The following CEP350 variants were observed in gnomAD, a reference collection of about 807,000 sequenced individuals.
The protein encoded by CEP350 is centrosome-associated protein 350.
Under a neutral mutation model 331.8 loss-of-function variants are expected in CEP350, and 126 were observed. That is an observed-to-expected ratio of 0.38 (90% confidence interval 0.33 to 0.44). The LOEUF (loss-of-function observed/expected upper bound fraction) is 0.44, where lower values mean the gene tolerates loss of function less well. Among genes scored for constraint, CEP350 ranks in the 20% least tolerant of loss-of-function variants. The probability of loss-of-function intolerance (pLI) is 1.00; values close to 1 mark genes in which losing one functional copy is unlikely to be tolerated. For missense variants in CEP350, 3,406 were observed against 3,634.6 expected, an observed-to-expected ratio of 0.94 and a Z score of 1.62; for synonymous variants, 1,200 against 1,259.5, an observed-to-expected ratio of 0.95 and a Z score of 1.00.
chr1:180,095,732 A>G lies in CEP350; in HGVS notation c.8721A>G (p.Gln2907=), dbSNP rs776919971. 9 of 1,613,912 alleles carry G rather than the reference A, an allele frequency of 5.6e-6. No individual in the cohort carries two copies. Among genetic ancestry groups the G allele is most frequent in the Non-Finnish European group, 8.5e-7 (1 of 1,179,892 alleles). ...TGGCAGAACCTAAAAGAGTAACCCAACAACCATGTGAAACATTATTGGCAG... is the reference window on the plus strand; with the variant it reads ...TGGCAGAACCTAAAAGAGTAACCCAGCAACCATGTGAAACATTATTGGCAG... ...PLMAEPKRVT[Q]QPCETLLAVP... The change falls in exon 35 of 38, where the codon CAA becomes CAG. Residue 2907 remains glutamine (Q), a synonymous_variant. Coordinates refer to ENST00000367607, the MANE Select transcript of CEP350 (RefSeq NM_014810.5).
rs1277114965 is a variant in CEP350 at position 180,075,189 on chromosome 1, A to T, written c.5735A>T (p.Lys1912Ile). ...TTAATAAAACCCAAAACTCCTAAGA[A>T]AGAACTGGAGGACCAGAGAACAGAA... is the stretch of plus-strand genomic sequence containing the variant. ...KELIKPKTPK[K>I]ELEDQRTEQK... The change falls in exon 28 of 38, where the codon AAA (lysine) becomes ATA (isoleucine). Residue 1912 changes from lysine to isoleucine, a missense_variant. By Grantham distance (102) the Lys-to-Ile change is moderately radical (BLOSUM62 -3). Transcript: ENST00000367607. 1.9e-6 allele frequency: 3 copies of T among 1,613,054 alleles called. No individual in the cohort carries two copies. The East Asian group carries it at 6.7e-5, about 36-fold the overall frequency.
At chr1:180,073,969 T>G (rs1571959015) in intron 27 of CEP350, 1 of 1,272,746 alleles carries the variant, frequency 7.9e-7, no homozygotes, top group African/African-American at 1.5e-5. Flanking sequence ...TTTTTGTTTG[T>G]TTTGTTTGCT....
At chr1:180,073,663 G>C (rs1356302395) in intron 27 of CEP350, 2 of 392,700 alleles carry the variant, frequency 5.1e-6, no homozygotes, top group Non-Finnish European at 6.9e-6. Context: ...CTTTAACTGA[G>C]TCACTTATAA....
intron 19 of CEP350, among the ~76,000 whole-genome samples, chr1:180,042,134 A>T (rs12127057): frequency 0.11 from 9,432 of 85,152 alleles, 381 homozygotes; most frequent in African/African-American, 0.23. Context: ...GTTTTCTCTC[A>T]CACACACACA....
Position 180,075,214 on chromosome 1 carries a change from A to G in CEP350, c.5760A>G (p.Glu1920=), listed in dbSNP as rs1453675885. The G allele has an allele frequency of 6.2e-7, 1 of 1,608,664 alleles. No homozygotes were observed. The highest frequency in any genetic ancestry group is 8.5e-7 in the Non-Finnish European group (1 of 1,177,460). Reference sequence around the variant, plus strand: ...AAGAACTGGAGGACCAGAGAACAGAACAGAAAGGTAATAAATACTAACTCT... The same window carrying G: ...AAGAACTGGAGGACCAGAGAACAGAGCAGAAAGGTAATAAATACTAACTCT... ...PKKELEDQRT[E]QKEIASEEES... is the part of the protein sequence containing the mutation. Residue 1920 remains glutamate, a synonymous_variant, in exon 28 of 38, where the codon GAA becomes GAG. Transcript: ENST00000367607.
intron 22 of CEP350, chr1:180,052,090 C>T (rs573807722): frequency 5.3e-5 from 19 of 360,570 alleles, no homozygotes; most frequent in Non-Finnish European, 1.0e-4. Context: ...TATGTGCACA[C>T]ACGTATACAT....
chr1:179,974,633 T>C (rs1651714473), intron 1 of CEP350, among the ~76,000 whole-genome samples: 1 of 152,188 alleles, frequency 6.6e-6, no homozygotes, highest in Non-Finnish European at 1.5e-5. Context: ...TGAATGTTCA[T>C]TGAATGAATG....
intron 32 of CEP350, among the ~76,000 whole-genome samples, chr1:180,090,207 A>G (rs1660087375): frequency 6.6e-6 from 1 of 152,150 alleles, no homozygotes; most frequent in African/African-American, 2.4e-5. Context: ...TTTGTCATCT[A>G]GTGACAAAGG....
At chr1:180,041,327 A>G in intron 18 of CEP350, 79 bp downstream of exon 18, 1 of 1,010,648 alleles carries the variant, frequency 9.9e-7, no homozygotes, top group Non-Finnish European at 1.4e-6. Flanking sequence ...TCTTTTAATT[A>G]TATAGGAGAA....
chr1:180,098,175 G>C (rs966960960), intron 36 of CEP350, among the ~76,000 whole-genome samples: 2 of 152,074 alleles, frequency 1.3e-5, no homozygotes, highest in East Asian at 3.9e-4. Context: ...TCTCCATGTT[G>C]GTCAGGCTGG....
At chr1:180,109,133 T>TG (rs1025123060) in intron 37 of CEP350, among the ~76,000 whole-genome samples, 1 of 151,336 alleles carries the variant, frequency 6.6e-6, no homozygotes, top group African/African-American at 2.4e-5. Flanking sequence ...CTTTTTTTTT[T>TG]TTTTTGAGAT....
Position 179,996,765 on chromosome 1 carries a change from T to C in CEP350, c.608T>C (p.Ile203Thr), listed in dbSNP as rs373050202. ...VVRFLNDRPA[I>T]DALQNSECLI... ...AGGTTTTTAAATGATCGACCAGCAA[T>C]TGATGCATTGCAAAATTCTGAATGT... is the stretch of plus-strand genomic sequence containing the variant. Residue 203 changes from isoleucine (I) to threonine (T), a missense_variant, in exon 6 of 38, where the codon ATT (isoleucine) becomes ACT (threonine). Coordinates refer to ENST00000367607, the MANE Select transcript of CEP350 (RefSeq NM_014810.5). The C allele has an allele frequency of 6.2e-7, 1 of 1,613,440 alleles. No homozygotes were observed. Among genetic ancestry groups the C allele is most frequent in the Non-Finnish European group, 8.5e-7 (1 of 1,179,608 alleles).
rs760285899 is a variant in CEP350, at chr1:180,053,155, T to G, written c.4978T>G (p.Ser1660Ala). 31 of 1,577,260 alleles carry G rather than the reference T, an allele frequency of 2.0e-5. No homozygotes were observed. The highest frequency in any genetic ancestry group is 2.7e-5 in the Non-Finnish European group (31 of 1,162,960). ...EEASPEKTTL[S>A]TAKELNMPFS... Reference sequence around the variant, plus strand: ...AGCTTCTCCAGAAAAAACTACACTGTCTACTGCCAAGGTGTGTTTCACTTT... The same window carrying G: ...AGCTTCTCCAGAAAAAACTACACTGGCTACTGCCAAGGTGTGTTTCACTTT... Residue 1660 changes from serine (S) to alanine (A), a missense_variant, in exon 23 of 38, where the codon TCT becomes GCT. Ser to Ala is a moderately conservative substitution (Grantham distance 99, BLOSUM62 1). Coordinates refer to ENST00000367607, the MANE Select transcript of CEP350 (RefSeq NM_014810.5).
chr1:179,975,009 A>T (rs1370001733), intron 1 of CEP350, among the ~76,000 whole-genome samples: 1 of 152,100 alleles, frequency 6.6e-6, no homozygotes, highest in Non-Finnish European at 1.5e-5. Flanking sequence ...AAAAAAAAAG[A>T]AAAGGAAAAA....
Position 180,037,807 on chromosome 1 carries a change from G to A in CEP350, c.4110+718G>A, listed in dbSNP as rs529894343. On this transcript the variant is annotated intron_variant, in intron 17 of 37. Transcript: ENST00000367607. The stretch of plus-strand genomic sequence containing the variant: ...TGGGACTACAGGTGCCCGCCACAGT[G>A]CCCGGCTAATTTTTTGTATTTTTAC... Among the ~76,000 whole-genome samples the A allele has an allele frequency of 5.2e-3, 785 of 152,122 alleles. 5 individuals are homozygous for A. Among genetic ancestry groups the A allele is most frequent in the Middle Eastern group, 0.014 (4 of 294 alleles).
intron 8 of CEP350, among the ~76,000 whole-genome samples, chr1:180,010,342 T>C (rs896733686): frequency 1.3e-5 from 2 of 151,714 alleles, no homozygotes; most frequent in Non-Finnish European, 2.9e-5. Flanking sequence ...TTTCTGTTTG[T>C]TGGATCATTG....
chr1:179,977,024 T>C (rs1274458610), intron 1 of CEP350, among the ~76,000 whole-genome samples: 1 of 152,226 alleles, frequency 6.6e-6, no homozygotes, highest in Non-Finnish European at 1.5e-5. Context: ...TGTTTTTCAT[T>C]GTATTTTTCA....
chr1:180,056,538 C>G lies in CEP350; in HGVS notation c.5262+2036C>G, dbSNP rs377547450. ...AGGCTGGAGTACAGTGGCACGATCTCAGCTCACTGCAACCTCTGCCTCTAG... is the reference window on the plus strand; with the variant it reads ...AGGCTGGAGTACAGTGGCACGATCTGAGCTCACTGCAACCTCTGCCTCTAG... On this transcript the variant is annotated intron_variant, in intron 25 of 37. Coordinates refer to ENST00000367607, the MANE Select transcript of CEP350 (RefSeq NM_014810.5). Among the ~76,000 whole-genome samples, 141 of 134,878 alleles carry G rather than the reference C, an allele frequency of 1.0e-3. 1 individual carries two copies. The highest frequency in any genetic ancestry group is 3.8e-3 in the African/African-American group (138 of 36,372). 88.5% of individuals were successfully genotyped at this position (134,878 alleles called of 152,430 possible).
chr1:180,095,385 C>T lies in CEP350; in HGVS notation c.8512-138C>T, dbSNP rs896183605. 15 of 957,540 alleles carry T rather than the reference C, an allele frequency of 1.6e-5. No homozygotes were observed. In the African/African-American group the frequency reaches 2.1e-4, roughly 14 times the overall value. 59.3% of individuals were successfully genotyped at this position (957,540 alleles called of 1,614,324 possible). On this transcript the variant is annotated intron_variant, in intron 34 of 37. Transcript: ENST00000367607. Reference sequence around the variant, plus strand: ...TTTTCTTAGATTGTTTATTAGTAGCCACCATATTGTTTTTTATTCTGCTTA... The same window carrying T: ...TTTTCTTAGATTGTTTATTAGTAGCTACCATATTGTTTTTTATTCTGCTTA...
Sources: gnomAD v4.1 joint callset for allele counts (sites outside exome capture counted in the v4.1 genomes callset) on GRCh38, gnomAD v4.1.1 for gene constraint, MANE v1.5 for transcripts, NCBI Gene and HGNC (gene_info 2026-07-23, HGNC 2026-07-21) for gene names.